DENND1A: variants seen among roughly 807,000 people sequenced by gnomAD.
DENND1A encodes the protein DENN domain containing 1A.
A neutral mutation model predicts 113.7 loss-of-function variants in DENND1A; 51 were observed. The ratio of observed to expected loss-of-function variants is 0.45; its 90% CI spans 0.36 to 0.57. The LOEUF is 0.57. DENND1A is among the 20% of genes least tolerant of loss of function. The pLI is 0.00. For synonymous variants in DENND1A, 565 were observed against 570.8 expected (o/e 0.99, Z 0.14); for missense variants, 1,258 against 1,395.9 (o/e 0.90, Z 1.57).
intron 1 of DENND1A, among the ~76,000 whole-genome samples, chr9:123,923,709 A>C (rs1243919747): frequency 2.0e-5 from 3 of 152,046 alleles, no homozygotes; most frequent in Non-Finnish European, 1.5e-5. Flanking sequence ...ATCCCCCTCC[A>C]TTCTCCAAAT....
intron 5 of DENND1A, among the ~76,000 whole-genome samples, chr9:123,753,635 G>A (rs549419166): frequency 6.6e-6 from 1 of 152,304 alleles, no homozygotes; most frequent in South Asian, 2.1e-4. Context: ...TCCCATTCTT[G>A]ATGCATTTCC....
At chr9:123,727,366 T>C (rs1346846782) in intron 5 of DENND1A, among the ~76,000 whole-genome samples, 2 of 152,236 alleles carry the variant, frequency 1.3e-5, no homozygotes, top group Non-Finnish European at 2.9e-5. Flanking sequence ...TTAAATGATA[T>C]TCTCATAGGC....
intron 19 of DENND1A, among the ~76,000 whole-genome samples, chr9:123,432,140 C>T (rs2046179534): frequency 6.6e-6 from 1 of 152,198 alleles, no homozygotes; most frequent in Non-Finnish European, 1.5e-5. Context: ...ACGCTGAATG[C>T]CTAATCACAT....
At chr9:123,508,524 T>C (rs1047856397) in intron 13 of DENND1A, among the ~76,000 whole-genome samples, 4 of 152,234 alleles carry the variant, frequency 2.6e-5, no homozygotes, top group African/African-American at 9.6e-5. Flanking sequence ...TTTACAATTT[T>C]CTTGTAATTG....
intron 2 of DENND1A, chr9:123,798,640 T>C (rs1590129451): frequency 6.7e-6 from 1 of 149,734 alleles, no homozygotes; most frequent in South Asian, 2.1e-4. Context: ...AACAAATTTA[T>C]GCTATGTGAA....
At chr9:123,818,519 TACACACACACACACACACACAC>T (rs1215014185) in intron 2 of DENND1A, among the ~76,000 whole-genome samples, 2 of 112,242 alleles carry the variant, frequency 1.8e-5, no homozygotes, top group African/African-American at 4.0e-5. Context: ...TACATACATA[TACACACACACACACACACACAC>T]ACACACACAC....
At chr9:123,842,068 A>G (rs577862834) in intron 2 of DENND1A, among the ~76,000 whole-genome samples, 1 of 152,320 alleles carries the variant, frequency 6.6e-6, no homozygotes, top group African/African-American at 2.4e-5. Flanking sequence ...CCAAGAAACA[A>G]TTTGTATTAA....
intron 2 of DENND1A, among the ~76,000 whole-genome samples, chr9:123,872,487 GA>G (rs1050485006): frequency 4.8e-4 from 73 of 151,972 alleles, no homozygotes; most frequent in Non-Finnish European, 6.9e-4. Flanking sequence ...TGAGAGTTCA[GA>G]AAAAAAGTTT....
chr9:123,520,207 A>G (rs962875795), intron 13 of DENND1A, among the ~76,000 whole-genome samples: 1 of 148,966 alleles, frequency 6.7e-6, no homozygotes, highest in African/African-American at 2.5e-5. Context: ...CTGTAATCCC[A>G]GCATTTTCAG....
chr9:123,640,801 A>G (rs545562620), intron 9 of DENND1A, among the ~76,000 whole-genome samples: 1 of 152,362 alleles, frequency 6.6e-6, no homozygotes, highest in African/African-American at 2.4e-5. Context: ...GAGGGACTCC[A>G]AGAGGTCAAG....
At chr9:123,886,590 C>CT (rs1849128480) in intron 1 of DENND1A, among the ~76,000 whole-genome samples, 1 of 152,212 alleles carries the variant, frequency 6.6e-6, no homozygotes, top group Non-Finnish European at 1.5e-5. Context: ...TCAGAACGCA[C>CT]TAGCAAACAC....
At position 123,692,543 on chromosome 9, in the gene DENND1A, T is replaced by G. The variant is rs576255278; in HGVS notation, c.303-15754A>C. On this transcript the variant is annotated intron_variant, in intron 5 of 23. Transcript: ENST00000394215. Reference sequence around the variant, plus strand: ...CAATCATTCCTCAATGAATGACTCTTTCCGAGCTAACACTATAAGTAATTC... The same window carrying G: ...CAATCATTCCTCAATGAATGACTCTGTCCGAGCTAACACTATAAGTAATTC... Among the ~76,000 whole-genome samples, 6 of 152,350 alleles carry G rather than the reference T, an allele frequency of 3.9e-5. No homozygotes were observed. In the South Asian group the frequency reaches 6.2e-4, roughly 16 times the overall value.
chr9:123,602,379 A>T lies in DENND1A; in HGVS notation c.765+7057T>A, dbSNP rs533898949. On this transcript the variant is annotated intron_variant, in intron 11 of 23. Coordinates refer to ENST00000394215, the MANE Select transcript of DENND1A (RefSeq NM_001352964.2). Reference sequence around the variant, plus strand: ...ATATTCTTTCATATATTTTTTTCCAAATATTTTTGATCTGTGGTTGGATGA... The same window carrying T: ...ATATTCTTTCATATATTTTTTTCCATATATTTTTGATCTGTGGTTGGATGA... Among the ~76,000 whole-genome samples, 5 of 152,218 alleles carry T rather than the reference A, an allele frequency of 3.3e-5. No individual in the cohort carries two copies. In the South Asian group the frequency reaches 1.0e-3, roughly 32 times the overall value.
At chr9:123,812,942 T>C (rs2132476364) in intron 2 of DENND1A, among the ~76,000 whole-genome samples, 1 of 152,262 alleles carries the variant, frequency 6.6e-6, no homozygotes, top group East Asian at 1.9e-4. Flanking sequence ...TTTTTCAACA[T>C]GGTTTGTGAT....
intron 11 of DENND1A, among the ~76,000 whole-genome samples, chr9:123,605,343 C>T (rs559064196): frequency 1.3e-5 from 2 of 152,292 alleles, no homozygotes; most frequent in South Asian, 2.1e-4. Flanking sequence ...GAAGCACCAT[C>T]GACCAGACAT....
At chr9:123,519,900 C>A (rs1474069711) in intron 13 of DENND1A, among the ~76,000 whole-genome samples, 2 of 152,080 alleles carry the variant, frequency 1.3e-5, no homozygotes, top group African/African-American at 4.8e-5. Flanking sequence ...TGGCTCACAC[C>A]TGTCATCTCA....
chr9:123,617,887 G>A (rs1564825258), intron 10 of DENND1A, among the ~76,000 whole-genome samples: 1 of 152,156 alleles, frequency 6.6e-6, no homozygotes, highest in Non-Finnish European at 1.5e-5. Flanking sequence ...GAGAAAAAGA[G>A]AAAGAGGCTT....
intron 13 of DENND1A, among the ~76,000 whole-genome samples, chr9:123,480,241 G>T (rs1188928549): frequency 6.6e-6 from 1 of 152,102 alleles, no homozygotes; most frequent in Non-Finnish European, 1.5e-5. Flanking sequence ...ACCCAACCCT[G>T]TGTCTCGACA....
At chr9:123,916,165 C>G (rs1382653484) in intron 1 of DENND1A, among the ~76,000 whole-genome samples, 1 of 152,036 alleles carries the variant, frequency 6.6e-6, no homozygotes, top group Non-Finnish European at 1.5e-5. Flanking sequence ...GTTGAATAAA[C>G]CATAGTCCAT....
Sources: allele counts gnomAD v4.1 joint callset (sites outside exome capture counted in the v4.1 genomes callset), GRCh38; gene constraint gnomAD v4.1.1; transcripts MANE v1.5; gene names NCBI Gene and HGNC (gene_info 2026-07-23, HGNC 2026-07-21).